Variants in EDIL3 observed in about 807,000 individuals in gnomAD.
EDIL3 encodes EGF like and discoidin domains 3.
EDIL3 carries 37 observed loss-of-function variants against 67.4 expected under a neutral mutation model. The observed-to-expected ratio is 0.55, with a 90% CI of 0.42 to 0.72. EDIL3 has a LOEUF of 0.72. EDIL3 is among the 30% of genes least tolerant of loss of function. EDIL3 has a pLI of 0.00. For synonymous variants in EDIL3, 195 were observed against 196.3 expected (o/e 0.99, Z 0.05); for missense variants, 527 against 586.3 (o/e 0.90, Z 1.04).
intron 5 of EDIL3, among the ~76,000 whole-genome samples, chr5:84,118,780 T>G (rs559716647): frequency 6.3e-4 from 96 of 152,282 alleles, no homozygotes; most frequent in Middle Eastern, 3.4e-3. Flanking sequence ...GTACAAATTT[T>G]GATGCACATT....
intron 2 of EDIL3, among the ~76,000 whole-genome samples, chr5:84,242,916 C>CA (rs1277811408): frequency 6.6e-6 from 1 of 151,734 alleles, no homozygotes; most frequent in East Asian, 1.9e-4. Context: ...CTGCAGTGTG[C>CA]AAAAAGCATG....
intron 4 of EDIL3, among the ~76,000 whole-genome samples, chr5:84,161,687 A>G (rs1239505535): frequency 3.3e-5 from 5 of 152,064 alleles, no homozygotes; most frequent in Non-Finnish European, 5.9e-5. Context: ...CTAAAAATTC[A>G]TAGTGATATC....
At chr5:83,960,026 T>G (rs1052785548) in intron 10 of EDIL3, among the ~76,000 whole-genome samples, 5 of 151,022 alleles carry the variant, frequency 3.3e-5, no homozygotes, top group Non-Finnish European at 7.4e-5. Context: ...AAAGATTTCC[T>G]TATGATAATA....
In EDIL3 at chr5:83,963,328, G is replaced by A. The variant is rs1305786660; in HGVS notation, c.1170C>T (p.Gly390=). 2 of 1,608,230 alleles carry A rather than the reference G, an allele frequency of 1.2e-6. No homozygotes were observed. The highest frequency in any genetic ancestry group is 1.3e-5 in the African/African-American group (1 of 74,624). Residue 390 remains glycine (G), a synonymous_variant, in exon 10 of 11, where the codon GGC becomes GGT. Transcript: ENST00000296591. ...VDLLVPTKVT[G]IITQGAKDFG... ...AATCTTTAGCTCCTTGTGTAATGATGCCAGTCACTTTGGTTGGAACAAGAA... is the reference window on the plus strand; with the variant it reads ...AATCTTTAGCTCCTTGTGTAATGATACCAGTCACTTTGGTTGGAACAAGAA...
chr5:84,298,200 A>G (rs1325565471), intron 1 of EDIL3, among the ~76,000 whole-genome samples: 2 of 152,140 alleles, frequency 1.3e-5, no homozygotes, highest in Non-Finnish European at 2.9e-5. Context: ...TTGCAGCACT[A>G]TTCACAATAG....
rs187231988 is a variant in EDIL3, at chr5:84,318,915, A to G, written c.68-64703T>C. ...ATTTTTGTAATCTATCCATCTGACA[A>G]AGGCTAATATCCAGAATCTACAAAG... On this transcript the variant is annotated intron_variant, in intron 1 of 10. Coordinates refer to ENST00000296591, the MANE Select transcript of EDIL3 (RefSeq NM_005711.5). Among the ~76,000 whole-genome samples, 34 of 152,290 alleles carry G rather than the reference A, an allele frequency of 2.2e-4. No homozygotes were observed. The East Asian group carries it at 6.2e-3, about 28-fold the overall frequency.
intron 1 of EDIL3, among the ~76,000 whole-genome samples, chr5:84,335,003 T>C (rs1165486353): frequency 6.6e-6 from 1 of 152,202 alleles, no homozygotes; most frequent in Non-Finnish European, 1.5e-5. Context: ...CCATTTTCCT[T>C]ATAATTCCAA....
At chr5:84,197,352 G>A (rs576195524) in intron 3 of EDIL3, among the ~76,000 whole-genome samples, 1 of 152,084 alleles carries the variant, frequency 6.6e-6, no homozygotes, top group East Asian at 1.9e-4. Context: ...GAGGTTTACA[G>A]AACAAATAGA....
chr5:84,048,204 C>T, intron 9 of EDIL3: 1 of 422,168 alleles, frequency 2.4e-6, no homozygotes, highest in Non-Finnish European at 4.7e-6. Flanking sequence ...CAGAATAATC[C>T]TTCATATTGA....
At chr5:84,294,108 G>A (rs1348396599) in intron 1 of EDIL3, among the ~76,000 whole-genome samples, 1 of 151,888 alleles carries the variant, frequency 6.6e-6, no homozygotes, top group East Asian at 1.9e-4. Context: ...CATCGGCCGG[G>A]TGCGGTGGCT....
chr5:84,073,051 T>G (rs1466521265), intron 6 of EDIL3, among the ~76,000 whole-genome samples: 3 of 152,102 alleles, frequency 2.0e-5, no homozygotes, highest in African/African-American at 2.4e-5. Flanking sequence ...AGGGGCTGCT[T>G]CTTCTTCTTC....
At chr5:84,147,144 C>T (rs140475991) in intron 4 of EDIL3, among the ~76,000 whole-genome samples, 138 of 151,950 alleles carry the variant, frequency 9.1e-4, no homozygotes, top group African/African-American at 3.2e-3. Flanking sequence ...TTTATTTTTG[C>T]CTGTATCTAA....
intron 3 of EDIL3, 51 bp downstream of exon 3, chr5:84,229,804 T>C: frequency 1.3e-6 from 2 of 1,558,598 alleles, no homozygotes; most frequent in Non-Finnish European, 1.7e-6. Flanking sequence ...CTCTCTATTA[T>C]TAAAGGCATG....
intron 1 of EDIL3, among the ~76,000 whole-genome samples, chr5:84,355,887 C>A (rs1001588383): frequency 6.6e-6 from 1 of 152,162 alleles, no homozygotes; most frequent in African/African-American, 2.4e-5. Context: ...GTGTCCACAG[C>A]CACCCCTTCC....
intron 1 of EDIL3, among the ~76,000 whole-genome samples, chr5:84,376,482 A>G (rs750855683): frequency 6.6e-6 from 1 of 152,228 alleles, no homozygotes; most frequent in Non-Finnish European, 1.5e-5. Flanking sequence ...AAGGTTCATA[A>G]CAAACACAGT....
intron 3 of EDIL3, among the ~76,000 whole-genome samples, chr5:84,193,913 T>C (rs1297195326): frequency 6.6e-6 from 1 of 151,954 alleles, no homozygotes; most frequent in African/African-American, 2.4e-5. Context: ...GGCAAAGTGT[T>C]TTAGGAAAAA....
chr5:84,086,468 C>G (rs1343824152), intron 6 of EDIL3, among the ~76,000 whole-genome samples: 1 of 152,166 alleles, frequency 6.6e-6, no homozygotes, highest in Non-Finnish European at 1.5e-5. Flanking sequence ...TCTGCTCGCT[C>G]TCTGTGGGTT....
chr5:84,111,495 A>T (rs1747564027), intron 5 of EDIL3, among the ~76,000 whole-genome samples: 1 of 152,196 alleles, frequency 6.6e-6, no homozygotes, highest in South Asian at 2.1e-4. Flanking sequence ...TTTTGAAAAT[A>T]CGTGTTTATT....
chr5:84,000,345 T>A (rs1484474600), intron 9 of EDIL3, among the ~76,000 whole-genome samples: 1 of 152,262 alleles, frequency 6.6e-6, no homozygotes, highest in East Asian at 1.9e-4. Context: ...CTATGACCAC[T>A]TTTAAAGATT....
Sources: gnomAD v4.1 joint callset for allele counts (sites outside exome capture counted in the v4.1 genomes callset) on GRCh38, gnomAD v4.1.1 for gene constraint, MANE v1.5 for transcripts, NCBI Gene and HGNC (gene_info 2026-07-23, HGNC 2026-07-21) for gene names.